The following ST3GAL6 variants were observed in gnomAD, a reference collection of about 807,000 sequenced individuals.
ST3GAL6 encodes ST3 beta-galactoside alpha-2,3-sialyltransferase 6, also known as type 2 lactosamine alpha-2,3-sialyltransferase.
Under a neutral mutation model 40.5 loss-of-function variants are expected in ST3GAL6, and 31 were observed. The ratio of observed to expected loss-of-function variants is 0.77; its 90% confidence interval spans 0.58 to 1.03. The LOEUF (loss-of-function observed/expected upper bound fraction) is 1.03, where lower values mean the gene tolerates loss of function less well. Among genes scored for constraint, ST3GAL6 ranks in the 50% least tolerant of loss-of-function variants. The pLI is 0.00. For synonymous variants in ST3GAL6, 129 were observed against 136.9 expected (o/e 0.94, Z 0.40); for missense variants, 357 against 393.2 (o/e 0.91, Z 0.78).
intron 3 of ST3GAL6, chr3:98,771,167 C>G (rs1448704525): frequency 6.8e-6 from 10 of 1,478,054 alleles, no homozygotes; most frequent in Non-Finnish European, 9.0e-6. Context: ...GGAACTCAAT[C>G]AAACCAGTAT....
intron 6 of ST3GAL6, among the ~76,000 whole-genome samples, chr3:98,787,296 T>C (rs1317690076): frequency 6.6e-6 from 1 of 152,230 alleles, no homozygotes; most frequent in African/African-American, 2.4e-5. Context: ...CAAGTGTTAA[T>C]AAGTCTGTTC....
intron 3 of ST3GAL6, chr3:98,771,238 G>T: frequency 9.5e-7 from 1 of 1,053,278 alleles, no homozygotes; most frequent in Non-Finnish European, 1.3e-6. Context: ...AAAGCGAATT[G>T]TTCTTTAGGG....
intron 1 of ST3GAL6, among the ~76,000 whole-genome samples, chr3:98,743,292 A>T (rs1000914540): frequency 1.3e-5 from 2 of 151,898 alleles, no homozygotes; most frequent in African/African-American, 4.8e-5. Context: ...AAGTGCTAGG[A>T]TTACAGGCGT....
intron 1 of ST3GAL6, chr3:98,733,682 C>A: frequency 1.2e-6 from 1 of 807,422 alleles, no homozygotes. Context: ...CCGGAGATCC[C>A]GGCAATCTCA....
At chr3:98,779,268 A>G (rs558873707) in intron 5 of ST3GAL6, among the ~76,000 whole-genome samples, 2 of 152,222 alleles carry the variant, frequency 1.3e-5, no homozygotes, top group Non-Finnish European at 2.9e-5. Flanking sequence ...AAAAGCATCT[A>G]ATAGACTTCC....
intron 4 of ST3GAL6, 125 bp from the exon 5 acceptor site, chr3:98,773,795 A>C (rs1046008112): frequency 6.3e-6 from 4 of 631,848 alleles, no homozygotes; most frequent in Non-Finnish European, 1.1e-5. Context: ...TTAATTTTTC[A>C]CAGAATAAAT....
Position 98,794,326 on chromosome 3 carries a change from G to A in ST3GAL6, c.*565G>A, listed in dbSNP as rs1253233691. The A allele has an allele frequency of 6.6e-6, 1 of 152,078 alleles. No homozygotes were observed. Among genetic ancestry groups the A allele is most frequent in the Non-Finnish European group, 1.5e-5 (1 of 68,022 alleles). The allele number at this position is 152,078 out of a possible 1,614,324, so 9.4% of individuals were successfully genotyped here. On this transcript the variant is annotated 3_prime_UTR_variant, in exon 10 of 10. Coordinates refer to ENST00000483910, the MANE Select transcript of ST3GAL6 (RefSeq NM_001323368.2). Reference sequence around the variant, plus strand: ...AGGCAGTGTTTGTTTTTAAGTTAAAGGAAATGGGCTAAACATAAAGTTCTT... The same window carrying A: ...AGGCAGTGTTTGTTTTTAAGTTAAAAGAAATGGGCTAAACATAAAGTTCTT...
At chr3:98,772,044 A>G (rs887832567) in intron 3 of ST3GAL6, among the ~76,000 whole-genome samples, 3 of 152,248 alleles carry the variant, frequency 2.0e-5, no homozygotes, top group Admixed American at 6.5e-5. Flanking sequence ...CACAGGTTAA[A>G]ATGCTACTCT....
chr3:98,768,043 C>T (rs1015688502), intron 1 of ST3GAL6, among the ~76,000 whole-genome samples: 1 of 152,096 alleles, frequency 6.6e-6, no homozygotes, highest in South Asian at 2.1e-4. Context: ...TATTCACTTT[C>T]TACTGAGAGA....
intron 5 of ST3GAL6, among the ~76,000 whole-genome samples, chr3:98,781,478 A>AC (rs1940121994): frequency 6.6e-6 from 1 of 151,828 alleles, no homozygotes; most frequent in Non-Finnish European, 1.5e-5. Context: ...AAAGTATAAA[A>AC]AAAAAAAAAA....
chr3:98,787,701 C>T (rs1347381112), intron 6 of ST3GAL6, among the ~76,000 whole-genome samples: 1 of 152,226 alleles, frequency 6.6e-6, no homozygotes, highest in Non-Finnish European at 1.5e-5. Flanking sequence ...GTTTGTCCTC[C>T]AAGTTCTCTT....
chr3:98,755,439 C>G (rs953573584), intron 1 of ST3GAL6, among the ~76,000 whole-genome samples: 2 of 152,146 alleles, frequency 1.3e-5, no homozygotes, highest in East Asian at 3.9e-4. Flanking sequence ...TCAACAAGCT[C>G]TGTCTCAACA....
chr3:98,767,545 C>G (rs1441945000), intron 1 of ST3GAL6, among the ~76,000 whole-genome samples: 1 of 152,120 alleles, frequency 6.6e-6, no homozygotes, highest in Non-Finnish European at 1.5e-5. Context: ...ATAAGGGAGA[C>G]AGAGAAGCAG....
intron 1 of ST3GAL6, chr3:98,733,198 G>A (rs918290864): frequency 1.1e-6 from 1 of 929,848 alleles, no homozygotes; most frequent in African/African-American, 1.8e-5. Flanking sequence ...GAGGCGTAAA[G>A]GGACCATGGG....
chr3:98,781,033 G>T (rs1290730517), intron 5 of ST3GAL6, among the ~76,000 whole-genome samples: 1 of 152,160 alleles, frequency 6.6e-6, no homozygotes, highest in Non-Finnish European at 1.5e-5. Context: ...GCACATGTAT[G>T]TTTATTGCAG....
rs1296387775 is a variant in ST3GAL6 at position 98,788,443 on chromosome 3, A to G, written c.736A>G (p.Lys246Glu). ...TAAYELLHFP[K>E]VFPKNQKPKH... ...AGCTTATGAACTGCTTCATTTTCCA[A>G]AAGTGTTTCCCAAAAATCAGGTATG... The change falls in exon 8 of 10, where the codon AAA (lysine) becomes GAA (glutamate). Residue 246 changes from lysine (K) to glutamate (E), a missense_variant. Lys to Glu is a moderately conservative substitution (Grantham distance 56). Transcript: ENST00000483910. 1.2e-6 allele frequency: 2 copies of G among 1,608,640 alleles called. No homozygotes were observed. The highest frequency in any genetic ancestry group is 1.7e-6 in the Non-Finnish European group (2 of 1,178,486).
chr3:98,745,226 G>T (rs1936453688), intron 1 of ST3GAL6, among the ~76,000 whole-genome samples: 2 of 152,062 alleles, frequency 1.3e-5, no homozygotes, highest in African/African-American at 4.8e-5. Context: ...TAGAGACGGG[G>T]TTTCACCATG....
chr3:98,747,211 A>G (rs1249790408), intron 1 of ST3GAL6, among the ~76,000 whole-genome samples: 1 of 152,230 alleles, frequency 6.6e-6, no homozygotes, highest in Non-Finnish European at 1.5e-5. Flanking sequence ...CAGTATGGTT[A>G]TCAGGAAGAG....
In ST3GAL6 at chr3:98,766,405, C is replaced by CTTTTT. The variant is rs369996406; in HGVS notation, c.-11-1997_-11-1993dup. Among the ~76,000 whole-genome samples, 471 of 104,034 alleles carry CTTTTT rather than the reference C, an allele frequency of 4.5e-3. 43 individuals carry two copies. The highest frequency in any genetic ancestry group is 0.012 in the East Asian group (39 of 3,378). The allele number at this position is 104,034 out of a possible 152,430, so 68.3% of individuals were successfully genotyped here. On this transcript the variant is annotated intron_variant, in intron 1 of 9. Transcript: ENST00000483910. Reference sequence around the variant, plus strand: ...GTTGGATCTTTGCATAAATGTCATTCTTTTTTTTTTTTTTTTTTTTTTTTT... The same window carrying CTTTTT: ...GTTGGATCTTTGCATAAATGTCATTCTTTTTTTTTTTTTTTTTTTTTTTTTTTTTT...
Sources: allele counts gnomAD v4.1 joint callset (sites outside exome capture counted in the v4.1 genomes callset), GRCh38; gene constraint gnomAD v4.1.1; transcripts MANE v1.5; gene names NCBI Gene and HGNC (gene_info 2026-07-23, HGNC 2026-07-21).